The following SEPTIN8 variants were observed in gnomAD, a reference collection of about 807,000 sequenced individuals.
SEPTIN8 encodes the protein septin 8.
SEPTIN8 carries 22 observed loss-of-function variants against 53.1 expected under a neutral mutation model. That is an observed-to-expected ratio of 0.41 (90% CI 0.30 to 0.59). SEPTIN8 has a LOEUF of 0.59. Among genes scored for constraint, SEPTIN8 ranks in the 20% least tolerant of loss-of-function variants. The pLI is 0.24. For missense variants in SEPTIN8, 536 were observed against 638.7 expected (o/e 0.84, Z 1.73); for synonymous variants, 228 against 248.4 (o/e 0.92, Z 0.77).
chr5:132,771,465 G>A (rs1757313961), intron 1 of SEPTIN8, among the ~76,000 whole-genome samples: 2 of 152,146 alleles, frequency 1.3e-5, no homozygotes, highest in South Asian at 4.1e-4. Context: ...TTGGACTTTG[G>A]ATGCTTTTCT....
chr5:132,777,070 C>T lies in SEPTIN8; in HGVS notation c.30+38G>A. 1.7e-6 allele frequency: 2 copies of T among 1,144,526 alleles called. No homozygotes were observed. Among genetic ancestry groups the T allele is most frequent in the Non-Finnish European group, 2.2e-6 (2 of 928,926 alleles). The allele number at this position is 1,144,526 out of a possible 1,614,324, so 70.9% of individuals were successfully genotyped here. On this transcript the variant is annotated intron_variant, in intron 1 of 9. Coordinates refer to ENST00000378719, the MANE Select transcript of SEPTIN8 (RefSeq NM_001098811.2). This position sits in a 1 kb window ranked among gnomAD's most constrained non-coding sequence, Gnocchi z 4.1. Reference sequence around the variant, plus strand: ...GCAGGGCGGCCCCTCCTGCGCCCCGCGCCTCCCGCGCGCGCCGTGGCCCAG... The same window carrying T: ...GCAGGGCGGCCCCTCCTGCGCCCCGTGCCTCCCGCGCGCGCCGTGGCCCAG...
At chr5:132,763,563 G>C (rs1312661980) in intron 4 of SEPTIN8, 143 bp downstream of exon 4, 2 of 712,248 alleles carry the variant, frequency 2.8e-6, no homozygotes. Context: ...GCAAGACAGA[G>C]AGAGGACCGA....
intron 9 of SEPTIN8, chr5:132,758,873 G>A (rs1256270146): frequency 6.4e-7 from 1 of 1,552,950 alleles, no homozygotes; most frequent in African/African-American, 1.4e-5. Flanking sequence ...CACATTAAAA[G>A]ATATGCAGAC....
Position 132,776,321 on chromosome 5 carries a change from C to A in SEPTIN8, c.30+787G>T, listed in dbSNP as rs1181705091. On this transcript the variant is annotated intron_variant, in intron 1 of 9. Coordinates refer to ENST00000378719, the MANE Select transcript of SEPTIN8 (RefSeq NM_001098811.2). The surrounding 1 kb of genome is among the most constrained non-coding windows in gnomAD (Gnocchi z 4.4). ...ATGTCCAGATACAACCCCCCAAAGGCCTCCCTCCCGCGAGTGAATTATGAA... is the reference window on the plus strand; with the variant it reads ...ATGTCCAGATACAACCCCCCAAAGGACTCCCTCCCGCGAGTGAATTATGAA... Among the ~76,000 whole-genome samples, 5 of 152,180 alleles carry A rather than the reference C, an allele frequency of 3.3e-5. No individual in the cohort carries two copies. Among genetic ancestry groups the A allele is most frequent in the African/African-American group, 4.8e-5 (2 of 41,454 alleles).
At position 132,762,521 on chromosome 5, in the gene SEPTIN8, T is replaced by A. The variant is rs369638983; in HGVS notation, c.659A>T (p.Asp220Val). The A allele has an allele frequency of 6.2e-7, 1 of 1,614,248 alleles. No homozygotes were observed. The highest frequency in any genetic ancestry group is 8.5e-7 in the Non-Finnish European group (1 of 1,180,038). The stretch of plus-strand genomic sequence containing the variant: ...GTTAATCTCTGCAACAGCCTCATCA[T>A]CCGTGGGGAACTGGTAGATCTGGAC... Reference protein sequence around the residue: ...NGVQIYQFPTDDEAVAEINAV... With the variant: ...NGVQIYQFPTVDEAVAEINAV... The change falls in exon 5 of 10, where the codon GAT (aspartate) becomes GTT (valine). Residue 220 changes from aspartate (D) to valine (V), a missense_variant. By Grantham distance (152) the Asp-to-Val change is radical. Coordinates refer to ENST00000378719, the MANE Select transcript of SEPTIN8 (RefSeq NM_001098811.2).
In SEPTIN8 at chr5:132,751,968, C is replaced by G; in HGVS notation, c.*48G>C. ...ACATTAAAAACCATGGTCTCCAGTT[C>G]CATGCCCTGGTGGTCCTGAGCTGGC... On this transcript the variant is annotated 3_prime_UTR_variant, in exon 10 of 10. Transcript: ENST00000378719. 6.2e-7 allele frequency: 1 copy of G among 1,609,422 alleles called. No homozygotes were observed. Among genetic ancestry groups the G allele is most frequent in the Middle Eastern group, 1.7e-4 (1 of 6,048 alleles).
chr5:132,763,408 G>A (rs1009716668), intron 4 of SEPTIN8, among the ~76,000 whole-genome samples: 1 of 152,222 alleles, frequency 6.6e-6, no homozygotes, highest in Non-Finnish European at 1.5e-5. Context: ...CTGGAGCGAA[G>A]GGGAACAAAC....
chr5:132,760,730 G>A lies in SEPTIN8; in HGVS notation c.1286+72C>T. 2.8e-6 allele frequency: 4 copies of A among 1,418,296 alleles called. No homozygotes were observed. The highest frequency in any genetic ancestry group is 3.9e-6 in the Non-Finnish European group (4 of 1,031,148). The allele number at this position is 1,418,296 out of a possible 1,614,324, so 87.9% of individuals were successfully genotyped here. On this transcript the variant is annotated intron_variant, in intron 9 of 9. Transcript: ENST00000378719. This position sits in a 1 kb window ranked among gnomAD's most constrained non-coding sequence, Gnocchi z 5.2. ...GGCGAGCAGGAGAGCGAGAAGGGAG[G>A]TGAGGGACAAGAACGAAAGCAAGAG...
At chr5:132,775,677 G>A (rs1757722532) in intron 1 of SEPTIN8, 1 of 152,304 alleles carries the variant, frequency 6.6e-6, no homozygotes, top group Admixed American at 6.5e-5. Context: ...TAACTTTCTG[G>A]TCAGCTGGGC....
At chr5:132,766,182 G>C (rs1446460842) in intron 1 of SEPTIN8, among the ~76,000 whole-genome samples, 1 of 152,218 alleles carries the variant, frequency 6.6e-6, no homozygotes, top group Non-Finnish European at 1.5e-5. Context: ...GTGGGGCTCA[G>C]GGGTGGGTTT....
Position 132,758,380 on chromosome 5 carries a change from G to C in SEPTIN8, c.1286+2422C>G, listed in dbSNP as rs913947483. The C allele has an allele frequency of 2.1e-5, 30 of 1,439,474 alleles. No homozygotes were observed. In the African/African-American group the frequency reaches 4.2e-4, roughly 20 times the overall value. 89.2% of individuals were successfully genotyped at this position (1,439,474 alleles called of 1,614,324 possible). ...AGAAAAATTAAAATGAGGGGAACTG[G>C]GTGAATTTTGCAGCATGTATACCAG... On this transcript the variant is annotated intron_variant, in intron 9 of 9. Coordinates refer to ENST00000378719, the MANE Select transcript of SEPTIN8 (RefSeq NM_001098811.2).
At chr5:132,758,592 G>A (rs766692872) in intron 9 of SEPTIN8, 17 of 1,607,890 alleles carry the variant, frequency 1.1e-5, no homozygotes, top group Non-Finnish European at 1.3e-5. Flanking sequence ...TTGGATTCCA[G>A]CATTCATGGC....
rs1455509935 is a variant in SEPTIN8, at chr5:132,761,891, A to G, written c.702T>C (p.His234=). 2 of 1,590,316 alleles carry G rather than the reference A, an allele frequency of 1.3e-6. No homozygotes were observed. Among genetic ancestry groups the G allele is most frequent in the Non-Finnish European group, 1.7e-6 (2 of 1,168,124 alleles). ...VAEINAVMNA[H]LPFAVVGSTE... ...TGCTGCCCACCACGGCAAAGGGCAG[A>G]TGTGCCTGGAAAGGGGCCCGGGTAT... Residue 234 remains histidine, a synonymous_variant, in exon 6 of 10, where the codon CAT becomes CAC. Transcript: ENST00000378719. The surrounding 1 kb of genome is among the most constrained non-coding windows in gnomAD (Gnocchi z 5.8).
In SEPTIN8 at chr5:132,770,004, T is replaced by TAC. The variant is rs1554115461; in HGVS notation, c.31-4476_31-4475insGT. Among the ~76,000 whole-genome samples, 151 of 50,312 alleles carry TAC rather than the reference T, an allele frequency of 3.0e-3. 4 individuals are homozygous for TAC. Among genetic ancestry groups the TAC allele is most frequent in the East Asian group, 0.026 (50 of 1,898 alleles). The allele number at this position is 50,312 out of a possible 152,430, so 33.0% of individuals were successfully genotyped here. A position where few individuals can be genotyped will look rare whatever the true frequency, so the allele number is the denominator to read the frequency against. On this transcript the variant is annotated intron_variant, in intron 1 of 9. Coordinates refer to ENST00000378719, the MANE Select transcript of SEPTIN8 (RefSeq NM_001098811.2). ...ATACATATATATATATATATATATATATATATATATATATATATACACACA... is the reference window on the plus strand; with the variant it reads ...ATACATATATATATATATATATATATACATATATATATATATATATACACACA...
intron 4 of SEPTIN8, 39 bp downstream of exon 4, chr5:132,763,667 G>A: frequency 6.3e-7 from 1 of 1,583,082 alleles, no homozygotes; most frequent in Non-Finnish European, 8.7e-7. Flanking sequence ...CGCAGCAGAA[G>A]ACTATGGAGC....
At chr5:132,777,347 G>A (rs1364224161), upstream of SEPTIN8, 1 of 1,050,468 alleles carries the variant, frequency 9.5e-7, no homozygotes, top group Non-Finnish European at 1.1e-6. The surrounding 1 kb of genome is among the most constrained non-coding windows in gnomAD (Gnocchi z 4.1). Flanking sequence ...CGCCCGGCCC[G>A]GCCACGAGCG....
intron 1 of SEPTIN8, among the ~76,000 whole-genome samples, chr5:132,769,982 CATATATATATATATATATAT>C (rs1164726534): frequency 1.3e-4 from 7 of 55,354 alleles, no homozygotes; most frequent in South Asian, 7.2e-4. Flanking sequence ...TCTATATATA[CATATATATATATATATATAT>C]ATATATATAT....
upstream of SEPTIN8, chr5:132,777,890 G>A (rs76822191): frequency 1.8e-3 from 1,816 of 985,508 alleles, 16 homozygotes; most frequent in African/African-American, 0.026. This position sits in a 1 kb window ranked among gnomAD's most constrained non-coding sequence, Gnocchi z 4.1. Context: ...TTTAGGCTGG[G>A]ATTCCTGCAA....
intron 9 of SEPTIN8, chr5:132,759,148 C>T (rs1228663293): frequency 4.2e-6 from 2 of 474,452 alleles, no homozygotes; most frequent in East Asian, 5.1e-5. Flanking sequence ...ACACTAGTCC[C>T]TTGACCAGGG....
Sources: gnomAD v4.1 joint callset for allele counts (sites outside exome capture counted in the v4.1 genomes callset) on GRCh38, gnomAD v4.1.1 for gene constraint, Gnocchi (gnomAD v3.1) non-coding constraint, MANE v1.5 for transcripts, NCBI Gene and HGNC (gene_info 2026-07-23, HGNC 2026-07-21) for gene names.